CACNA1C: variants seen among roughly 807,000 people sequenced by gnomAD.
The protein encoded by CACNA1C is calcium voltage-gated channel subunit alpha1 C.
CACNA1C carries 30 observed loss-of-function variants against 229.0 expected under a neutral mutation model. The observed-to-expected ratio is 0.13, with a 90% CI of 0.10 to 0.18. CACNA1C has a LOEUF of 0.18. CACNA1C is among the 10% of genes least tolerant of loss of function. The pLI is 1.00. For missense variants in CACNA1C, 1,658 were observed against 2,845.0 expected, an observed-to-expected ratio of 0.58 and a Z score of 9.49; for synonymous variants, 1,114 against 1,132.5, an observed-to-expected ratio of 0.98 and a Z score of 0.33.
At chr12:2,082,104 G>A (rs1172367535) in intron 1 of CACNA1C, among the ~76,000 whole-genome samples, 2 of 152,150 alleles carry the variant, frequency 1.3e-5, no homozygotes, top group South Asian at 2.1e-4. Flanking sequence ...TCTGTGTTCC[G>A]TGAATGTGGA....
At chr12:2,279,566 GC>G (rs1348601559) in intron 3 of CACNA1C, among the ~76,000 whole-genome samples, 1 of 152,174 alleles carries the variant, frequency 6.6e-6, no homozygotes, top group African/African-American at 2.4e-5. Flanking sequence ...GTTTTGAAAA[GC>G]CCTTTCTAAT....
chr12:2,409,575 C>A (rs1207050086), intron 3 of CACNA1C, among the ~76,000 whole-genome samples: 1 of 152,248 alleles, frequency 6.6e-6, no homozygotes, highest in Admixed American at 6.5e-5. Flanking sequence ...ACCATAATTT[C>A]TTAATTTTTG....
chr12:2,544,957 T>G (rs1176955898), intron 9 of CACNA1C, among the ~76,000 whole-genome samples: 1 of 152,228 alleles, frequency 6.6e-6, no homozygotes, highest in African/African-American at 2.4e-5. Context: ...GCATACTTCT[T>G]AGATGTAATG....
chr12:2,112,407 T>C (rs1287771425), intron 1 of CACNA1C, among the ~76,000 whole-genome samples: 2 of 151,216 alleles, frequency 1.3e-5, no homozygotes, highest in Non-Finnish European at 2.9e-5. Context: ...AGATGAGACG[T>C]CTCATTGTAG....
chr12:2,229,414 C>A (rs2064023351), intron 3 of CACNA1C, among the ~76,000 whole-genome samples: 1 of 152,134 alleles, frequency 6.6e-6, no homozygotes, highest in African/African-American at 2.4e-5. Flanking sequence ...GTCCTTCATT[C>A]ATCAAATATT....
chr12:2,283,367 T>C (rs1224865290), intron 3 of CACNA1C, among the ~76,000 whole-genome samples: 2 of 152,196 alleles, frequency 1.3e-5, no homozygotes, highest in Non-Finnish European at 2.9e-5. Context: ...CACAGAATTC[T>C]ACTGAAAATG....
chr12:2,067,727 G>A lies in CACNA1C; in HGVS notation c.49+14116G>A, dbSNP rs2059914558. On this transcript the variant is annotated intron_variant, in intron 1 of 46. Transcript: ENST00000399655. The surrounding 1 kb of genome is among the most constrained non-coding windows in gnomAD (Gnocchi z 5.3). Reference sequence around the variant, plus strand: ...CTTGGGCATCAAGGACAAGGAACCTGCACTGTTAACCTCAGTCAGGGCGCA... The same window carrying A: ...CTTGGGCATCAAGGACAAGGAACCTACACTGTTAACCTCAGTCAGGGCGCA... Among the ~76,000 whole-genome samples the A allele has an allele frequency of 6.6e-6, 1 of 152,080 alleles. No individual in the cohort carries two copies. The highest frequency in any genetic ancestry group is 1.5e-5 in the Non-Finnish European group (1 of 68,010).
chr12:2,155,705 G>T (rs988648771), intron 3 of CACNA1C, among the ~76,000 whole-genome samples: 1 of 152,084 alleles, frequency 6.6e-6, no homozygotes, highest in Admixed American at 6.5e-5. Context: ...TTCAAATGAG[G>T]GTGTCTCCTT....
intron 3 of CACNA1C, among the ~76,000 whole-genome samples, chr12:2,417,772 C>T (rs1014193129): frequency 3.3e-5 from 5 of 152,022 alleles, no homozygotes; most frequent in African/African-American, 1.2e-4. Context: ...GTTTTGGAAA[C>T]CAGAGAGAGA....
intron 1 of CACNA1C, among the ~76,000 whole-genome samples, chr12:2,013,159 G>C (rs951415468): frequency 6.6e-6 from 1 of 152,188 alleles, no homozygotes; most frequent in Non-Finnish European, 1.5e-5. Flanking sequence ...AACTTGGGGA[G>C]ACTCTAAAGC....
At chr12:2,233,088 GGT>G (rs1566566941) in intron 3 of CACNA1C, among the ~76,000 whole-genome samples, 2 of 152,158 alleles carry the variant, frequency 1.3e-5, no homozygotes, top group Admixed American at 6.5e-5. Flanking sequence ...CTGGGCACTA[GGT>G]GTGCTCATTC....
intron 3 of CACNA1C, among the ~76,000 whole-genome samples, chr12:2,144,648 C>T (rs996820374): frequency 2.0e-5 from 3 of 151,178 alleles, no homozygotes; most frequent in African/African-American, 4.8e-5. Flanking sequence ...ATATTTTACG[C>T]GTGCTACTGA....
chr12:2,595,798 G>A lies in CACNA1C; in HGVS notation c.2664-76G>A. ...AGCTGCTGGGGAGAGCTGAGGAGAG[G>A]GGCTCCCAAGAGCCGACTGGTGCTT... On this transcript the variant is annotated intron_variant, in intron 19 of 46. Transcript: ENST00000399655. This position sits in a 1 kb window ranked among gnomAD's most constrained non-coding sequence, Gnocchi z 4.1. The A allele has an allele frequency of 7.0e-7, 1 of 1,437,048 alleles. No individual in the cohort carries two copies. The highest frequency in any genetic ancestry group is 1.3e-5 in the South Asian group (1 of 79,252). 89.0% of individuals were successfully genotyped at this position (1,437,048 alleles called of 1,614,324 possible).
intron 22 of CACNA1C, among the ~76,000 whole-genome samples, chr12:2,604,280 G>A (rs2074228864): frequency 6.6e-6 from 1 of 152,162 alleles, no homozygotes; most frequent in South Asian, 2.1e-4. Context: ...AGACAGGAGG[G>A]CAAGAGAAGG....
chr12:2,187,467 G>C (rs556945017), intron 3 of CACNA1C, among the ~76,000 whole-genome samples: 1 of 152,222 alleles, frequency 6.6e-6, no homozygotes, highest in Non-Finnish European at 1.5e-5. Context: ...GGGACAGAGT[G>C]GGCACACAGA....
chr12:2,148,839 G>A (rs1197813092), intron 3 of CACNA1C, among the ~76,000 whole-genome samples: 1 of 152,168 alleles, frequency 6.6e-6, no homozygotes, highest in African/African-American at 2.4e-5. Flanking sequence ...TGGAGGAGTT[G>A]CCTTGGGACC....
intron 3 of CACNA1C, among the ~76,000 whole-genome samples, chr12:2,262,013 C>G (rs1010970985): frequency 1.3e-5 from 2 of 152,232 alleles, no homozygotes; most frequent in Admixed American, 1.3e-4. Flanking sequence ...GAAGGCAGTG[C>G]CAGGGCCAGG....
chr12:2,199,981 G>A (rs924797027), intron 3 of CACNA1C, among the ~76,000 whole-genome samples: 1 of 152,080 alleles, frequency 6.6e-6, no homozygotes, highest in Admixed American at 6.5e-5. Context: ...TTTGTTCATC[G>A]CACAATTACT....
chr12:2,006,544 C>T (rs10491961), intron 1 of CACNA1C, among the ~76,000 whole-genome samples: 28,190 of 152,154 alleles, frequency 0.19, 2,697 homozygotes, highest in African/African-American at 0.22. Flanking sequence ...GCAGACATTA[C>T]TACTCACATT....
Sources: allele counts gnomAD v4.1 joint callset (sites outside exome capture counted in the v4.1 genomes callset), GRCh38; gene constraint gnomAD v4.1.1; non-coding constraint Gnocchi (gnomAD v3.1); transcripts MANE v1.5; gene names NCBI Gene and HGNC (gene_info 2026-07-23, HGNC 2026-07-21).